ICE2: variants seen among roughly 807,000 people sequenced by gnomAD.
ICE2 encodes the protein interactor of little elongation complex ELL subunit 2.
Under a neutral mutation model 105.4 loss-of-function variants are expected in ICE2, and 87 were observed. That is an observed-to-expected ratio of 0.83 (90% CI 0.69 to 0.99). The LOEUF is 0.99. ICE2 is among the 50% of genes least tolerant of loss of function. The probability of loss-of-function intolerance (pLI) is 0.00; values close to 1 mark genes in which losing one functional copy is unlikely to be tolerated. For missense variants in ICE2, 1,323 were observed against 1,146.7 expected (o/e 1.15, Z -2.22); for synonymous variants, 399 against 392.0 (o/e 1.02, Z -0.21).
intron 3 of ICE2, among the ~76,000 whole-genome samples, chr15:60,473,188 T>C (rs1399413939): frequency 6.6e-6 from 1 of 151,588 alleles, no homozygotes; most frequent in African/African-American, 2.4e-5. Context: ...AGTGATCCTC[T>C]TGCCCCTAGC....
intron 15 of ICE2, 122 bp from the exon 16 acceptor site, chr15:60,423,884 A>C (rs918174756): frequency 4.6e-6 from 4 of 866,292 alleles, no homozygotes; most frequent in Middle Eastern, 3.5e-4. Context: ...TATATTTTTC[A>C]TCTCCAGCTA....
chr15:60,458,588 G>A (rs16942579), intron 5 of ICE2, among the ~76,000 whole-genome samples: 100,133 of 151,940 alleles, frequency 0.66, 34,362 homozygotes, highest in East Asian at 0.93. Flanking sequence ...GAAGCGAAAC[G>A]TAAGACTTCT....
chr15:60,437,485 C>G (rs1001132184), intron 12 of ICE2, among the ~76,000 whole-genome samples: 5 of 151,456 alleles, frequency 3.3e-5, no homozygotes, highest in Non-Finnish European at 4.4e-5. Flanking sequence ...GTGCCCACCA[C>G]CAGGCCTGGC....
chr15:60,447,653 T>C (rs1484604915), intron 11 of ICE2: 1 of 184,626 alleles, frequency 5.4e-6, no homozygotes, highest in Non-Finnish European at 1.1e-5. Context: ...AGGTCATGTG[T>C]GGAATTTTCC....
At chr15:60,432,785 G>C (rs1243524660) in intron 13 of ICE2, among the ~76,000 whole-genome samples, 1 of 151,758 alleles carries the variant, frequency 6.6e-6, no homozygotes, top group Non-Finnish European at 1.5e-5. Context: ...CCAGCTACTG[G>C]GGAGGCTGAG....
At chr15:60,452,191 T>C in intron 9 of ICE2, 1 of 955,962 alleles carries the variant, frequency 1.0e-6, no homozygotes, top group Non-Finnish European at 1.2e-6. Context: ...AAAAATGCTT[T>C]ATGACATATG....
rs1399520517 is a variant in ICE2 at position 60,448,914 on chromosome 15, C to T, written c.2053G>A (p.Gly685Ser). The stretch of plus-strand genomic sequence containing the variant: ...GGCCAACTAGAGGAGTCTGAAGGAC[C>T]AGACAATTGCTCAGAAACAGAAGGC... ...KQPSVSEQLS[G>S]PSDSSSWPKS... The change falls in exon 10 of 16, where the codon GGT becomes AGT. Residue 685 changes from glycine (G) to serine (S), a missense_variant. Transcript: ENST00000261520. The T allele has an allele frequency of 6.2e-7, 1 of 1,613,628 alleles. No homozygotes were observed. The highest frequency in any genetic ancestry group is 8.5e-7 in the Non-Finnish European group (1 of 1,179,816).
At position 60,449,645 on chromosome 15, in the gene ICE2, G is replaced by T. The variant is rs2063913434; in HGVS notation, c.1322C>A (p.Thr441Asn). 6.2e-7 allele frequency: 1 copy of T among 1,613,988 alleles called. No homozygotes were observed. The highest frequency in any genetic ancestry group is 1.3e-5 in the African/African-American group (1 of 74,904). ...AATGTCTGGTGCACTTGGTGCCACA[G>T]TTGTAGTTCCTGCTTTGGGGGCTGT... ...APTAPKAGTT[T>N]VAPSAPDISA... is the part of the protein sequence containing the mutation. The change falls in exon 10 of 16, where the codon ACT (threonine) becomes AAT (asparagine). Residue 441 changes from threonine (T) to asparagine (N), a missense_variant. Coordinates refer to ENST00000261520, the MANE Select transcript of ICE2 (RefSeq NM_024611.6).
intron 9 of ICE2, chr15:60,451,474 T>A: frequency 1.0e-6 from 1 of 984,666 alleles, no homozygotes; most frequent in African/African-American, 1.7e-5. Flanking sequence ...ACTTCAAAAT[T>A]TAAAAACATT....
intron 13 of ICE2, among the ~76,000 whole-genome samples, chr15:60,435,830 G>C (rs1478204493): frequency 1.3e-5 from 2 of 151,946 alleles, no homozygotes; most frequent in Non-Finnish European, 2.9e-5. Flanking sequence ...ACAAAAATGA[G>C]CTGGGCATGC....
In ICE2 at chr15:60,448,978, T is replaced by C. The variant is rs2063892297; in HGVS notation, c.1989A>G (p.Val663=). 6.2e-7 allele frequency: 1 copy of C among 1,613,968 alleles called. No homozygotes were observed. The highest frequency in any genetic ancestry group is 1.3e-5 in the African/African-American group (1 of 74,934). The change falls in exon 10 of 16, where the codon GTA becomes GTG. Residue 663 remains valine, a synonymous_variant. Coordinates refer to ENST00000261520, the MANE Select transcript of ICE2 (RefSeq NM_024611.6). ...CTAAATTCATTAAGGGCAATTCTGGTACTTTTCTGGAAATTGGCTTTAAGA... is the reference window on the plus strand; with the variant it reads ...CTAAATTCATTAAGGGCAATTCTGGCACTTTTCTGGAAATTGGCTTTAAGA... ...DELLKPISRK[V]PELPLMNLEN...
rs570822900 is a variant in ICE2 at position 60,449,686 on chromosome 15, G to A, written c.1281C>T (p.Asn427=). Residue 427 remains asparagine, a synonymous_variant, in exon 10 of 16, where the codon AAC becomes AAT. Coordinates refer to ENST00000261520, the MANE Select transcript of ICE2 (RefSeq NM_024611.6). ...TGGGGGCTGTAGGAGCATCTGTCATGTTAGGTACTGTGGAAGTACTTGCTG... is the reference window on the plus strand; with the variant it reads ...TGGGGGCTGTAGGAGCATCTGTCATATTAGGTACTGTGGAAGTACTTGCTG... ...PSPASTSTVP[N]MTDAPTAPKA... is the part of the protein sequence containing the mutation. 11 of 1,614,106 alleles carry A rather than the reference G, an allele frequency of 6.8e-6. No individual in the cohort carries two copies. In the African/African-American group the frequency reaches 1.5e-4, roughly 22 times the overall value.
intron 13 of ICE2, among the ~76,000 whole-genome samples, chr15:60,433,578 G>A (rs2063511521): frequency 6.6e-6 from 1 of 150,546 alleles, no homozygotes; most frequent in African/African-American, 2.4e-5. Flanking sequence ...TGCAACCTCC[G>A]CTCCTGGGTT....
At chr15:60,442,355 T>C in intron 12 of ICE2, 61 bp downstream of exon 12, 2 of 1,433,346 alleles carry the variant, frequency 1.4e-6, no homozygotes, top group Non-Finnish European at 1.9e-6. Context: ...CACAATTGAA[T>C]TTACAAGTAT....
At chr15:60,475,951 C>A in intron 3 of ICE2, 112 bp downstream of exon 3, 1 of 694,292 alleles carries the variant, frequency 1.4e-6, no homozygotes, top group Non-Finnish European at 2.3e-6. Context: ...AGTTGTTTTA[C>A]TTTAAACATT....
chr15:60,435,362 G>C (rs2063560595), intron 13 of ICE2, among the ~76,000 whole-genome samples: 1 of 151,852 alleles, frequency 6.6e-6, no homozygotes, highest in Non-Finnish European at 1.5e-5. Flanking sequence ...CACTTTGGGA[G>C]GCCGAGGCAG....
In ICE2 at chr15:60,437,087, T is replaced by C. The variant is rs969835196; in HGVS notation, c.2426-860A>G. ...GGCCAACATGGTGAAACCTCGTCTC[T>C]ACTAAAAACATAAAAAAATTAGCCA... On this transcript the variant is annotated intron_variant, in intron 12 of 15. Coordinates refer to ENST00000261520, the MANE Select transcript of ICE2 (RefSeq NM_024611.6). Among the ~76,000 whole-genome samples the C allele has an allele frequency of 1.3e-4, 19 of 151,668 alleles. No homozygotes were observed. The East Asian group carries it at 3.8e-3, about 30-fold the overall frequency.
rs184149629 is a variant in ICE2 at position 60,468,260 on chromosome 15, G to A, written c.209C>T (p.Ser70Leu). The change falls in exon 4 of 16, where the codon TCA (serine) becomes TTA (leucine). Residue 70 changes from serine to leucine, a missense_variant. By Grantham distance (145) the Ser-to-Leu change is moderately radical. Coordinates refer to ENST00000261520, the MANE Select transcript of ICE2 (RefSeq NM_024611.6). ...SSVENEPAVS[S>L]ATQAKEKVKT... ...AACTTTTTCCTTTGCTTGAGTTGCT[G>A]AACTAACTGCCGGCTCATTTTCTAC... The A allele has an allele frequency of 5.0e-6, 8 of 1,613,234 alleles. No homozygotes were observed. Among genetic ancestry groups the A allele is most frequent in the African/African-American group, 2.7e-5 (2 of 74,918 alleles).
chr15:60,445,702 T>G (rs1257112189), intron 11 of ICE2: 1 of 985,304 alleles, frequency 1.0e-6, no homozygotes, highest in East Asian at 1.1e-4. Context: ...CCAAGCTGTC[T>G]TGTTCAAGAA....
Sources: gnomAD v4.1 joint callset for allele counts (sites outside exome capture counted in the v4.1 genomes callset) on GRCh38, gnomAD v4.1.1 for gene constraint, MANE v1.5 for transcripts, NCBI Gene and HGNC (gene_info 2026-07-23, HGNC 2026-07-21) for gene names.